Variants in ZSCAN5A observed in about 807,000 individuals in gnomAD.
ZSCAN5A encodes zinc finger and SCAN domain containing 5A, also known as zinc finger and SCAN domain-containing protein 5A.
Under a neutral mutation model 23.7 loss-of-function variants are expected in ZSCAN5A, and 12 were observed. That is an observed-to-expected ratio of 0.51 (90% confidence interval 0.32 to 0.82). The LOEUF (loss-of-function observed/expected upper bound fraction) is 0.82, where lower values mean the gene tolerates loss of function less well. Ranked by LOEUF, ZSCAN5A falls within the 40% of genes least tolerant of loss-of-function variation. The pLI, the probability that ZSCAN5A is intolerant of heterozygous loss-of-function variation, is 0.03. For synonymous variants in ZSCAN5A, 257 were observed against 239.9 expected (o/e 1.07, Z -0.66); for missense variants, 597 against 617.9 (o/e 0.97, Z 0.36).
rs1040182401 is a variant in ZSCAN5A, at chr19:56,222,028, A to C, written c.1038T>G (p.Asp346Glu). The C allele has an allele frequency of 6.2e-7, 1 of 1,614,204 alleles. No individual in the cohort carries two copies. The highest frequency in any genetic ancestry group is 8.5e-7 in the Non-Finnish European group (1 of 1,180,028). The change falls in exon 6 of 6, where the codon GAT becomes GAG. Residue 346 changes from aspartate (D) to glutamate (E), a missense_variant. Physicochemically the swap from Asp to Glu is conservative, Grantham distance 45. This residue lies in a region of ZSCAN5A where 406 missense variants were observed against 353.2 expected (regional missense o/e 1.15). Transcript: ENST00000683990. ...PGPASPVSHP[D>E]GQEAKALPPF... ...GCGGCAGTGCCTTGGCTTCTTGGCCATCCGGGTGACTGACTGGGCTCGCAG... is the reference window on the plus strand; with the variant it reads ...GCGGCAGTGCCTTGGCTTCTTGGCCCTCCGGGTGACTGACTGGGCTCGCAG...
intron 2 of ZSCAN5A, among the ~76,000 whole-genome samples, chr19:56,285,530 C>T (rs1323212944): frequency 1.3e-5 from 2 of 152,264 alleles, no homozygotes; most frequent in Admixed American, 1.3e-4. Flanking sequence ...GGTTCATGTA[C>T]ATTTAGTTTT....
At chr19:56,319,803 G>T, upstream of ZSCAN5A, 1 of 776,522 alleles carries the variant, frequency 1.3e-6, no homozygotes, top group South Asian at 1.3e-5. Flanking sequence ...TGGTCCACTG[G>T]AATTGGGACT....
chr19:56,247,195 C>A, intron 2 of ZSCAN5A: 1 of 520,800 alleles, frequency 1.9e-6, no homozygotes, highest in Admixed American at 3.1e-5. Context: ...CCTCCGCGTC[C>A]ACCAGCGAAT....
chr19:56,324,336 G>A (rs1021574155), intron 2 of ZSCAN5A, among the ~76,000 whole-genome samples: 3 of 152,070 alleles, frequency 2.0e-5, no homozygotes, highest in African/African-American at 7.2e-5. Flanking sequence ...ATTCCATTGT[G>A]TATATGTATC....
chr19:56,267,338 C>T (rs1006108436), intron 2 of ZSCAN5A, among the ~76,000 whole-genome samples: 7 of 151,982 alleles, frequency 4.6e-5, no homozygotes, highest in African/African-American at 1.7e-4. Context: ...GGTGCTTTTA[C>T]ACATATGGCT....
intron 2 of ZSCAN5A, among the ~76,000 whole-genome samples, chr19:56,269,360 G>C (rs921254163): frequency 6.6e-6 from 1 of 152,104 alleles, no homozygotes; most frequent in African/African-American, 2.4e-5. Flanking sequence ...TCATTAATAG[G>C]AGGAAACCGA....
At chr19:56,327,060 GA>G (rs908949788) in intron 2 of ZSCAN5A, among the ~76,000 whole-genome samples, 1 of 142,962 alleles carries the variant, frequency 7.0e-6, no homozygotes, top group Non-Finnish European at 1.5e-5. Context: ...AAGCTACAGT[GA>G]TTTTTTTTTT....
intron 2 of ZSCAN5A, chr19:56,304,840 G>A (rs985922811): frequency 3.2e-5 from 31 of 982,386 alleles, no homozygotes; most frequent in Middle Eastern, 5.2e-4. Flanking sequence ...GGTATGCTAT[G>A]GCAGGGAAGT....
At chr19:56,302,489 C>A in intron 2 of ZSCAN5A, among the ~76,000 whole-genome samples, 1 of 137,368 alleles carries the variant, frequency 7.3e-6, no homozygotes, top group South Asian at 2.5e-4. Flanking sequence ...CCTTCCCATC[C>A]TTCTTCCCTC....
rs561181646 is a variant in ZSCAN5A at position 56,356,260 on chromosome 19, C to T, written c.-358+6975G>A. Among the ~76,000 whole-genome samples the T allele has an allele frequency of 5.4e-5, 8 of 148,512 alleles. 2 individuals are homozygous for T. Among genetic ancestry groups the T allele is most frequent in the African/African-American group, 1.0e-4 (4 of 39,472 alleles). ...GGACTAGCGTCCAGGAAAGTCTGAG[C>T]CCCGAACAAAGAGAGCAGCCACCTT... is the stretch of plus-strand genomic sequence containing the variant. On this transcript the variant is annotated intron_variant, in intron 2 of 6. Coordinates refer to the ZSCAN5A transcript ENST00000587340.
intron 2 of ZSCAN5A, chr19:56,342,937 T>C: frequency 9.8e-7 from 1 of 1,024,028 alleles, no homozygotes; most frequent in East Asian, 2.4e-5. Context: ...CATATAGCAG[T>C]GCACTTTGGT....
At chr19:56,297,654 C>A in intron 2 of ZSCAN5A, 1 of 442,208 alleles carries the variant, frequency 2.3e-6, no homozygotes, top group Non-Finnish European at 3.0e-6. Flanking sequence ...GCTTTGGTAC[C>A]TGAGAGGCTG....
intron 2 of ZSCAN5A, among the ~76,000 whole-genome samples, chr19:56,279,564 G>A (rs1039589167): frequency 6.6e-6 from 1 of 152,154 alleles, no homozygotes; most frequent in Middle Eastern, 3.2e-3. Context: ...AATCGTAAGT[G>A]TCCCATATGG....
At chr19:56,233,099 G>C (rs1206561331) in intron 2 of ZSCAN5A, among the ~76,000 whole-genome samples, 1 of 152,196 alleles carries the variant, frequency 6.6e-6, no homozygotes, top group East Asian at 1.9e-4. Flanking sequence ...GCAATGTCTA[G>C]ATTCTAATTT....
At chr19:56,257,312 G>A (rs192192685) in intron 2 of ZSCAN5A, among the ~76,000 whole-genome samples, 3 of 152,276 alleles carry the variant, frequency 2.0e-5, no homozygotes, top group Non-Finnish European at 4.4e-5. Context: ...GATCAGGGCT[G>A]GGAGAACAAA....
intron 2 of ZSCAN5A, chr19:56,272,783 G>A: frequency 1.4e-6 from 1 of 739,084 alleles, no homozygotes; most frequent in Non-Finnish European, 1.7e-6. Flanking sequence ...GGTGACCAGA[G>A]AGTCCTGTCT....
intron 2 of ZSCAN5A, among the ~76,000 whole-genome samples, chr19:56,246,110 A>G (rs1409602638): frequency 1.3e-5 from 2 of 152,164 alleles, no homozygotes; most frequent in Admixed American, 6.5e-5. Flanking sequence ...CTGATTTAGA[A>G]TATGGAGGGT....
At chr19:56,265,718 T>C (rs1261717790) in intron 2 of ZSCAN5A, among the ~76,000 whole-genome samples, 1 of 152,080 alleles carries the variant, frequency 6.6e-6, no homozygotes, top group African/African-American at 2.4e-5. Context: ...TTCTGTATCA[T>C]GAGCCACTCA....
chr19:56,241,216 T>C (rs2035401542), intron 2 of ZSCAN5A, among the ~76,000 whole-genome samples: 1 of 152,184 alleles, frequency 6.6e-6, no homozygotes, highest in African/African-American at 2.4e-5. Flanking sequence ...CTTGCTTTAA[T>C]GGGAAAAGAA....
Sources: allele counts gnomAD v4.1 joint callset (sites outside exome capture counted in the v4.1 genomes callset), GRCh38; gene constraint gnomAD v4.1.1; regional missense constraint gnomAD v4.1.1; transcripts MANE v1.5; gene names NCBI Gene and HGNC (gene_info 2026-07-23, HGNC 2026-07-21).